The following QTRT2 variants were observed in gnomAD, a reference collection of about 807,000 sequenced individuals.
QTRT2 encodes queuine tRNA-ribosyltransferase domain containing 1.
In QTRT2, 32 loss-of-function variants were observed where a neutral mutation model predicts 44.8. That is an observed-to-expected ratio of 0.71 (90% CI 0.54 to 0.96). QTRT2 has a LOEUF of 0.96. QTRT2 is among the 40% of genes least tolerant of loss of function. QTRT2 has a pLI of 0.00. For synonymous variants in QTRT2, 182 were observed against 187.4 expected, an observed-to-expected ratio of 0.97 and a Z score of 0.24; for missense variants, 461 against 503.1, an observed-to-expected ratio of 0.92 and a Z score of 0.80.
Position 114,057,055 on chromosome 3 carries a change from C to T in QTRT2, c.-73C>T. On this transcript the variant is annotated 5_prime_UTR_variant, in exon 2 of 10. Transcript: ENST00000281273. ...AGATTCTCATAAATCGTGTGAGCGT[C>T]GCCGACACCTCTGAGATAAAAGGGC... is the stretch of plus-strand genomic sequence containing the variant. The T allele has an allele frequency of 7.2e-7, 1 of 1,380,194 alleles. No individual in the cohort carries two copies. Among genetic ancestry groups the T allele is most frequent in the South Asian group, 1.7e-5 (1 of 58,730 alleles). The allele number at this position is 1,380,194 out of a possible 1,614,324, so 85.5% of individuals were successfully genotyped here.
chr3:114,081,246 G>A (rs190735846), intron 8 of QTRT2, among the ~76,000 whole-genome samples: 123 of 152,336 alleles, frequency 8.1e-4, no homozygotes, highest in African/African-American at 2.9e-3. Context: ...CTCTGTGTGT[G>A]TAGTAAATTA....
chr3:114,076,758 G>A lies in QTRT2; in HGVS notation c.562G>A (p.Val188Met), dbSNP rs770453840. ...CTTACCTCAGGTTCTTCAGAAGAGT[G>A]TGATCATTGGAGTGATTGAAGGTGG... is the stretch of plus-strand genomic sequence containing the variant. ...QEESEVLQKS[V>M]IIGVIEGGDV... Residue 188 changes from valine to methionine, a missense_variant, in exon 7 of 10, where the codon GTG becomes ATG. Transcript: ENST00000281273. The A allele has an allele frequency of 1.2e-6, 2 of 1,614,208 alleles. No homozygotes were observed. Among genetic ancestry groups the A allele is most frequent in the Non-Finnish European group, 1.7e-6 (2 of 1,180,000 alleles).
chr3:114,074,925 G>A (rs2077069282), intron 6 of QTRT2, among the ~76,000 whole-genome samples: 1 of 152,162 alleles, frequency 6.6e-6, no homozygotes, highest in Non-Finnish European at 1.5e-5. Context: ...GCCATACTGT[G>A]TATATATTAT....
intron 5 of QTRT2, among the ~76,000 whole-genome samples, chr3:114,069,551 T>G (rs117807402): frequency 6.6e-6 from 1 of 152,352 alleles, no homozygotes; most frequent in East Asian, 1.9e-4. Context: ...CAGTTCCATC[T>G]ATGTTCCTGC....
chr3:114,083,217 A>C (rs577081257), intron 9 of QTRT2, among the ~76,000 whole-genome samples: 5 of 152,120 alleles, frequency 3.3e-5, no homozygotes, highest in African/African-American at 7.2e-5. Flanking sequence ...ATTGAATTGA[A>C]TATCCCTTCT....
At position 114,085,366 on chromosome 3, in the gene QTRT2, C is replaced by T. The variant is rs1030852543; in HGVS notation, c.1017-307C>T. Among the ~76,000 whole-genome samples the T allele has an allele frequency of 3.7e-4, 57 of 152,150 alleles. 1 individual carries two copies. Among genetic ancestry groups the T allele is most frequent in the Non-Finnish European group, 2.9e-5 (2 of 68,042 alleles). On this transcript the variant is annotated intron_variant, in intron 9 of 9. Coordinates refer to ENST00000281273, the MANE Select transcript of QTRT2 (RefSeq NM_024638.4). ...GGGACTACAGGCACGCGCCACCATG[C>T]CTGGCTAATTTTTGTATTTTTAGTA...
chr3:114,075,761 G>T (rs113078993), intron 6 of QTRT2, among the ~76,000 whole-genome samples: 15 of 151,898 alleles, frequency 9.9e-5, no homozygotes, highest in Non-Finnish European at 2.2e-4. Flanking sequence ...CACCTGCCTC[G>T]GCCTCCTGCT....
chr3:114,059,056 T>G (rs2076848484), intron 2 of QTRT2, among the ~76,000 whole-genome samples: 1 of 152,354 alleles, frequency 6.6e-6, no homozygotes, highest in South Asian at 2.1e-4. Flanking sequence ...CATGGCAGTA[T>G]GTAGAGAATC....
rs2077145358 is a variant in QTRT2, at chr3:114,079,969, A to AT, written c.813dup (p.Glu272Ter). On this transcript the variant is annotated frameshift_variant, in exon 8 of 10. Coordinates refer to ENST00000281273, the MANE Select transcript of QTRT2 (RefSeq NM_024638.4). LOFTEE classifies it high-confidence loss of function. ...AGTGTATTGAAAGAGGAGTGGACTTATTTGAGAGTTTTTTCCCTTATCAAG... is the reference window on the plus strand; with the variant it reads ...AGTGTATTGAAAGAGGAGTGGACTTATTTTGAGAGTTTTTTCCCTTATCAAG... 1.2e-6 allele frequency: 2 copies of AT among 1,613,804 alleles called. No homozygotes were observed. The highest frequency in any genetic ancestry group is 2.7e-5 in the African/African-American group (2 of 75,010).
intron 6 of QTRT2, among the ~76,000 whole-genome samples, chr3:114,076,423 C>T (rs773018846): frequency 6.6e-5 from 10 of 152,194 alleles, no homozygotes; most frequent in Admixed American, 1.3e-4. Flanking sequence ...CCTCCTGCCT[C>T]GGCTTCCCAA....
At chr3:114,063,558 C>A (rs2076915099) in intron 2 of QTRT2, among the ~76,000 whole-genome samples, 1 of 151,876 alleles carries the variant, frequency 6.6e-6, no homozygotes, top group Non-Finnish European at 1.5e-5. Flanking sequence ...GTTCTAATGA[C>A]ACTTATTTGT....
intron 8 of QTRT2, 38 bp downstream of exon 8, chr3:114,080,095 C>T (rs1200457488): frequency 6.6e-7 from 1 of 1,516,718 alleles, no homozygotes; most frequent in Non-Finnish European, 8.8e-7. Context: ...CCTTAAGTTT[C>T]TTCCATTTCC....
At chr3:114,058,620 C>T (rs1375874876) in intron 2 of QTRT2, among the ~76,000 whole-genome samples, 4 of 152,136 alleles carry the variant, frequency 2.6e-5, no homozygotes, top group East Asian at 1.9e-4. Context: ...GCAACCTCTG[C>T]CTCCTGGGTT....
chr3:114,079,051 G>T (rs2077129595), intron 7 of QTRT2: 1 of 148,828 alleles, frequency 6.7e-6, no homozygotes, highest in African/African-American at 2.4e-5. Context: ...AAAATTATAG[G>T]CAAAATACAG....
chr3:114,062,391 A>G (rs905024105), intron 2 of QTRT2, among the ~76,000 whole-genome samples: 3 of 144,854 alleles, frequency 2.1e-5, no homozygotes, highest in African/African-American at 7.6e-5. Context: ...AAAAAAAAAA[A>G]GAATAAAAAG....
chr3:114,084,717 T>C (rs2077213806), intron 9 of QTRT2, among the ~76,000 whole-genome samples: 1 of 152,182 alleles, frequency 6.6e-6, no homozygotes, highest in African/African-American at 2.4e-5. Flanking sequence ...GTTATTACCT[T>C]TGGTTCATGG....
chr3:114,060,938 T>C (rs2076879371), intron 2 of QTRT2, among the ~76,000 whole-genome samples: 1 of 152,222 alleles, frequency 6.6e-6, no homozygotes, highest in South Asian at 2.1e-4. Context: ...GTGAAGATGC[T>C]GGGCAAAGGG....
chr3:114,082,001 G>A (rs186854162), intron 8 of QTRT2, among the ~76,000 whole-genome samples: 1 of 152,276 alleles, frequency 6.6e-6, no homozygotes, highest in Non-Finnish European at 1.5e-5. Flanking sequence ...TGCAAAGAAT[G>A]TTTCTTCTTA....
rs2076795734 is a variant in QTRT2 at position 114,056,794 on chromosome 3, A to G, written c.-200A>G. ...GTGATTTTGGGGCAGAGAATTTTGC[A>G]ACACGTGGTAGTGAACTGTGAGGAG... On this transcript the variant is annotated 5_prime_UTR_variant, in exon 1 of 10. Transcript: ENST00000281273. The G allele has an allele frequency of 2.0e-6, 3 of 1,526,558 alleles. No individual in the cohort carries two copies. Among genetic ancestry groups the G allele is most frequent in the Non-Finnish European group, 1.8e-6 (2 of 1,141,668 alleles). 94.6% of individuals were successfully genotyped at this position (1,526,558 alleles called of 1,614,324 possible). A position where few individuals can be genotyped will look rare whatever the true frequency, so the allele number is the denominator to read the frequency against.
Sources: allele counts gnomAD v4.1 joint callset (sites outside exome capture counted in the v4.1 genomes callset), GRCh38; gene constraint gnomAD v4.1.1; transcripts MANE v1.5; gene names NCBI Gene and HGNC (gene_info 2026-07-23, HGNC 2026-07-21).